The following MRPL2 variants were observed in gnomAD, a reference collection of about 807,000 sequenced individuals.
MRPL2 encodes the protein mitochondrial ribosomal protein L2, also known as large ribosomal subunit protein uL2m.
Under a neutral mutation model 34.6 loss-of-function variants are expected in MRPL2, and 27 were observed. The ratio of observed to expected loss-of-function variants is 0.78; its 90% CI spans 0.58 to 1.08. MRPL2 has a LOEUF of 1.08. Among genes scored for constraint, MRPL2 ranks in the 50% least tolerant of loss-of-function variants. The pLI, the probability that MRPL2 is intolerant of heterozygous loss-of-function variation, is 0.00. For synonymous variants in MRPL2, 155 were observed against 158.0 expected (o/e 0.98, Z 0.14); for missense variants, 414 against 419.3 (o/e 0.99, Z 0.11).
intron 1 of MRPL2, among the ~76,000 whole-genome samples, chr6:43,058,664 G>A (rs1429732279): frequency 1.3e-5 from 2 of 152,156 alleles, no homozygotes; most frequent in African/African-American, 2.4e-5. Flanking sequence ...TTTTAAACAT[G>A]CATCTCCCAA....
chr6:43,058,284 C>T (rs1561907111), intron 1 of MRPL2, 51 bp from the exon 2 acceptor site: 5 of 1,581,570 alleles, frequency 3.2e-6, no homozygotes, highest in Middle Eastern at 1.7e-4. Flanking sequence ...GAAGGCAAAG[C>T]ATCAGAGAAC....
At chr6:43,059,688 G>T (rs1765032526), upstream of MRPL2, 1 of 1,325,088 alleles carries the variant, frequency 7.5e-7, no homozygotes, top group Admixed American at 3.5e-5. Flanking sequence ...GATTGCAGGT[G>T]AGTCTTTGAG....
chr6:43,054,254 T>G lies in MRPL2; in HGVS notation c.*20A>C. On this transcript the variant is annotated 3_prime_UTR_variant, in exon 7 of 7. Coordinates refer to ENST00000388752, the MANE Select transcript of MRPL2 (RefSeq NM_015950.5). Reference sequence around the variant, plus strand: ...AGATTAAAACGGGGGGGGGGGGCATTTTATTAGAGTACAGGGATATCAGCT... The same window carrying G: ...AGATTAAAACGGGGGGGGGGGGCATGTTATTAGAGTACAGGGATATCAGCT... The G allele has an allele frequency of 1.4e-6, 2 of 1,422,412 alleles. No homozygotes were observed. Among genetic ancestry groups the G allele is most frequent in the Non-Finnish European group, 1.9e-6 (2 of 1,051,896 alleles). 88.1% of individuals were successfully genotyped at this position (1,422,412 alleles called of 1,614,324 possible). A position where few individuals can be genotyped will look rare whatever the true frequency, so the allele number is the denominator to read the frequency against.
chr6:43,055,851 C>T, intron 5 of MRPL2, 46 bp downstream of exon 5: 3 of 1,552,470 alleles, frequency 1.9e-6, no homozygotes, highest in South Asian at 2.4e-5. Context: ...TCAGACTCTC[C>T]TTGCCTTTCC....
rs144803677 is a variant in MRPL2, at chr6:43,054,520, T to TG, written c.706-35dup. On this transcript the variant is annotated intron_variant, in intron 6 of 6. Coordinates refer to ENST00000388752, the MANE Select transcript of MRPL2 (RefSeq NM_015950.5). ...GAAAACAGATGGAGATTCTGTACAA[T>TG]GGGGGGGAAAGAGCTTGACAATGTT... 2.4e-3 allele frequency: 3,849 copies of TG among 1,585,954 alleles called. 77 individuals carry two copies. The African/African-American group carries it at 0.041, about 17-fold the overall frequency.
chr6:43,058,660 A>G (rs2150347092), intron 1 of MRPL2, among the ~76,000 whole-genome samples: 1 of 152,302 alleles, frequency 6.6e-6, no homozygotes, highest in African/African-American at 2.4e-5. Flanking sequence ...TGAATTTTAA[A>G]CATGCATCTC....
At position 43,056,186 on chromosome 6, in the gene MRPL2, T is replaced by C; in HGVS notation, c.415A>G (p.Ile139Val). 2 of 1,614,154 alleles carry C rather than the reference T, an allele frequency of 1.2e-6. No individual in the cohort carries two copies. Among genetic ancestry groups the C allele is most frequent in the Non-Finnish European group, 1.7e-6 (2 of 1,179,986 alleles). Residue 139 changes from isoleucine to valine, a missense_variant, in exon 4 of 7, where the codon ATA becomes GTA. Coordinates refer to ENST00000388752, the MANE Select transcript of MRPL2 (RefSeq NM_015950.5). ...CGGCTGCCCCCAGCAACCAGAGCTA[T>C]GTCTGCTGACCTAATCAGGGTGAGG... Reference protein sequence around the residue: ...VRYDPCRSADIALVAGGSRKR... With the variant: ...VRYDPCRSADVALVAGGSRKR...
At chr6:43,059,526 A>G (rs534226361), upstream of MRPL2, 7 of 1,430,156 alleles carry the variant, frequency 4.9e-6, no homozygotes, top group Non-Finnish European at 6.4e-6. Flanking sequence ...TTCCTACCTG[A>G]ACGCCGTGAG....
At position 43,054,242 on chromosome 6, in the gene MRPL2, G is replaced by GA. The variant is rs775443973; in HGVS notation, c.*31_*32insT. 4.4e-6 allele frequency: 6 copies of GA among 1,376,028 alleles called. No homozygotes were observed. The African/African-American group carries it at 7.3e-5, about 17-fold the overall frequency. 85.2% of individuals were successfully genotyped at this position (1,376,028 alleles called of 1,614,324 possible). On this transcript the variant is annotated 3_prime_UTR_variant, in exon 7 of 7. Transcript: ENST00000388752. ...AACCACAGTAACAGATTAAAACGGG[G>GA]GGGGGGGGCATTTTATTAGAGTACA...
chr6:43,058,944 G>A (rs985391074), intron 1 of MRPL2: 4 of 580,116 alleles, frequency 6.9e-6, no homozygotes, highest in Middle Eastern at 4.5e-4. Flanking sequence ...TCTATAAAAT[G>A]GGAATAGTAA....
At chr6:43,056,235 C>T in intron 3 of MRPL2, 39 bp from the exon 4 acceptor site, 1 of 1,612,342 alleles carries the variant, frequency 6.2e-7, no homozygotes, top group Non-Finnish European at 8.5e-7. Flanking sequence ...ACCGTCTAGG[C>T]AGCCCCACAT....
chr6:43,057,284 G>C, intron 2 of MRPL2, among the ~76,000 whole-genome samples: 1 of 151,368 alleles, frequency 6.6e-6, no homozygotes, highest in South Asian at 2.1e-4. Context: ...GGGTTCAAGC[G>C]ATTCTCCTGC....
intron 1 of MRPL2, among the ~76,000 whole-genome samples, chr6:43,058,505 A>C (rs1181482068): frequency 1.3e-5 from 2 of 152,198 alleles, no homozygotes; most frequent in Non-Finnish European, 2.9e-5. Flanking sequence ...TAGCTTCCAC[A>C]CATCCATGTA....
chr6:43,059,807 C>T (rs1765039352), upstream of MRPL2: 1 of 1,172,690 alleles, frequency 8.5e-7, no homozygotes, highest in Admixed American at 4.3e-5. Context: ...GCCTCCAAAA[C>T]TCCGCCCTTC....
chr6:43,059,287 T>G lies in MRPL2; in HGVS notation c.95A>C (p.Gln32Pro). 3 of 1,551,502 alleles carry G rather than the reference T, an allele frequency of 1.9e-6. No homozygotes were observed. The highest frequency in any genetic ancestry group is 2.6e-6 in the Non-Finnish European group (3 of 1,147,086). Residue 32 changes from glutamine to proline, a missense_variant and splice_region_variant, in exon 1 of 7, where the codon CAG becomes CCG. Transcript: ENST00000388752. ...APAPSLFPAAQMMNNGLLQQP... is the reference protein window; with the variant it reads ...APAPSLFPAAPMMNNGLLQQP... ...TTCTTCCCGGGTAAGATGGATTACC[T>G]GGGCGGCGGGGAACAGACTCGGGGC...
intron 5 of MRPL2, 138 bp downstream of exon 5, chr6:43,055,759 G>T: frequency 7.9e-7 from 1 of 1,264,852 alleles, no homozygotes; most frequent in Non-Finnish European, 1.1e-6. Flanking sequence ...TATGTTTTAG[G>T]TAAAAACACA....
In MRPL2 at chr6:43,054,214, C is replaced by CT. The variant is rs975304746; in HGVS notation, c.*59_*60insA. The CT allele has an allele frequency of 3.4e-6, 4 of 1,184,010 alleles. No individual in the cohort carries two copies. The highest frequency in any genetic ancestry group is 4.7e-6 in the Non-Finnish European group (4 of 853,088). The allele number at this position is 1,184,010 out of a possible 1,614,324, so 73.3% of individuals were successfully genotyped here. A position where few individuals can be genotyped will look rare whatever the true frequency, so the allele number is the denominator to read the frequency against. On this transcript the variant is annotated 3_prime_UTR_variant, in exon 7 of 7. Coordinates refer to ENST00000388752, the MANE Select transcript of MRPL2 (RefSeq NM_015950.5). The stretch of plus-strand genomic sequence containing the variant: ...CAAAAAAAACAAAAAACACCCAAAA[C>CT]AAAACCACAGTAACAGATTAAAACG...
chr6:43,055,444 G>C, intron 6 of MRPL2, 101 bp downstream of exon 6: 1 of 1,115,530 alleles, frequency 9.0e-7, no homozygotes, highest in Non-Finnish European at 1.3e-6. Flanking sequence ...GCTCAAGGCA[G>C]TTCCTTGCAT....
upstream of MRPL2, chr6:43,059,848 CAGAT>C (rs557531263): frequency 2.7e-4 from 325 of 1,192,530 alleles, no homozygotes; most frequent in African/African-American, 4.0e-3. Flanking sequence ...GGCGTCCAGA[CAGAT>C]AGACAGACGA....
Sources: gnomAD v4.1 joint callset for allele counts (sites outside exome capture counted in the v4.1 genomes callset) on GRCh38, gnomAD v4.1.1 for gene constraint, MANE v1.5 for transcripts, NCBI Gene and HGNC (gene_info 2026-07-23, HGNC 2026-07-21) for gene names.